EML1: variants seen among roughly 807,000 people sequenced by gnomAD.
EML1 encodes the protein echinoderm microtubule-associated protein-like 1.
In EML1, 27 loss-of-function variants were observed where a neutral mutation model predicts 110.4. The ratio of observed to expected loss-of-function variants is 0.24; its 90% CI spans 0.18 to 0.34. The LOEUF is 0.34. Among genes scored for constraint, EML1 ranks in the 10% least tolerant of loss-of-function variants. EML1 has a pLI of 1.00. For synonymous variants in EML1, 344 were observed against 385.8 expected (o/e 0.89, Z 1.27); for missense variants, 741 against 1,030.9 (o/e 0.72, Z 3.85).
chr14:99,833,366 G>A (rs894181674), intron 1 of EML1, among the ~76,000 whole-genome samples: 1 of 152,140 alleles, frequency 6.6e-6, no homozygotes, highest in African/African-American at 2.4e-5. Context: ...CTGTTGATCT[G>A]TTTACACCAT....
chr14:99,875,090 T>C, intron 3 of EML1: 1 of 1,049,052 alleles, frequency 9.5e-7, no homozygotes, highest in Non-Finnish European at 1.4e-6. Flanking sequence ...GTGCCTACCA[T>C]TCATCAAGTC....
chr14:99,842,327 G>A (rs2139807547), intron 1 of EML1, among the ~76,000 whole-genome samples: 1 of 152,362 alleles, frequency 6.6e-6, no homozygotes, highest in Middle Eastern at 3.4e-3. Context: ...CTTAATTGAA[G>A]TGTAAAGTCA....
chr14:99,919,554 C>T (rs1356450925), intron 16 of EML1, among the ~76,000 whole-genome samples: 3 of 152,048 alleles, frequency 2.0e-5, no homozygotes, highest in African/African-American at 4.8e-5. Flanking sequence ...AATAGGCTGA[C>T]GGATGCCAGC....
upstream of EML1, chr14:99,792,771 C>G (rs1419263899): frequency 6.6e-6 from 1 of 152,278 alleles, no homozygotes; most frequent in African/African-American, 2.4e-5. Context: ...AGCGAAGGTT[C>G]GAGCTGACTT....
chr14:99,789,301 T>A (rs1595281540), upstream of EML1, among the ~76,000 whole-genome samples: 1 of 152,290 alleles, frequency 6.6e-6, no homozygotes, highest in South Asian at 2.1e-4. Context: ...CTCCACCTCC[T>A]GGGTTCAAGT....
chr14:99,924,732 C>A (rs1355282252), intron 17 of EML1, among the ~76,000 whole-genome samples: 2 of 151,932 alleles, frequency 1.3e-5, no homozygotes, highest in Admixed American at 6.6e-5. Context: ...ATAAAGATGC[C>A]CTTTATCATA....
intron 4 of EML1, among the ~76,000 whole-genome samples, chr14:99,879,567 CTT>C (rs1252766785): frequency 6.6e-6 from 1 of 152,128 alleles, no homozygotes; most frequent in African/African-American, 2.4e-5. Context: ...AGCTTAAACT[CTT>C]TTTCAGTTTT....
chr14:99,832,937 G>T (rs766908660), intron 1 of EML1, among the ~76,000 whole-genome samples: 1 of 151,916 alleles, frequency 6.6e-6, no homozygotes, highest in African/African-American at 2.4e-5. Context: ...TACATGTGTC[G>T]GTTCTTACAT....
At position 99,888,183 on chromosome 14, in the gene EML1, C is replaced by A. The variant is rs1264974156; in HGVS notation, c.519-3016C>A. ...CACCTGATACCTCCTCTCTCAATGA[C>A]CTTAGTTGTTAACATTCCTGCTACC... is the stretch of plus-strand genomic sequence containing the variant. On this transcript the variant is annotated intron_variant, in intron 4 of 21. Coordinates refer to ENST00000262233, the MANE Select transcript of EML1 (RefSeq NM_004434.3). 1.3e-4 allele frequency among the ~76,000 whole-genome samples: 20 copies of A among 152,202 alleles called. 1 individual carries two copies. The highest frequency in any genetic ancestry group is 1.3e-3 in the Admixed American group (20 of 15,288).
chr14:99,800,733 A>T (rs1417591324), intron 1 of EML1, among the ~76,000 whole-genome samples: 1 of 152,228 alleles, frequency 6.6e-6, no homozygotes, highest in East Asian at 1.9e-4. Context: ...ACTGGCAAAT[A>T]CTGTTGGCGG....
chr14:99,926,843 AAGCAATCCTCCCACCTCAGCCTCCCGAGT>A (rs1412890514), intron 17 of EML1, among the ~76,000 whole-genome samples: 1 of 151,866 alleles, frequency 6.6e-6, no homozygotes, highest in African/African-American at 2.4e-5. Flanking sequence ...CCTCAAGCTC[AAGCAATCCTCCCACCTCAGCCTCCCGAGT>A]AGCTGGGACT....
chr14:99,882,902 A>G (rs537190982), intron 4 of EML1, among the ~76,000 whole-genome samples: 3 of 151,714 alleles, frequency 2.0e-5, no homozygotes, highest in African/African-American at 7.3e-5. Context: ...TGCCCCCTCA[A>G]CCCCGGGATC....
In EML1 at chr14:99,936,199, A is replaced by G. The variant is rs749545949; in HGVS notation, c.2008-48A>G. The G allele has an allele frequency of 3.7e-6, 6 of 1,612,542 alleles. No individual in the cohort carries two copies. Among genetic ancestry groups the G allele is most frequent in the Middle Eastern group, 1.6e-4 (1 of 6,082 alleles). ...TTAACTACCGTGGAACAGTGTTGGC[A>G]GGGACTTCTAAGGCCAATGAAATGA... On this transcript the variant is annotated intron_variant, in intron 18 of 21. Transcript: ENST00000262233. This position sits in a 1 kb window ranked among gnomAD's most constrained non-coding sequence, Gnocchi z 5.5.
intron 14 of EML1, 112 bp downstream of exon 14, chr14:99,914,416 G>C: frequency 6.5e-7 from 1 of 1,539,838 alleles, no homozygotes; most frequent in Non-Finnish European, 8.8e-7. Flanking sequence ...CTCCACCCCA[G>C]AGTGTCTGTG....
chr14:99,751,743 T>G (rs2057177914), intron 1 of EML1, among the ~76,000 whole-genome samples: 1 of 152,052 alleles, frequency 6.6e-6, no homozygotes, highest in South Asian at 2.1e-4. Context: ...GTGTCTGGTC[T>G]TTTCAAGGAA....
chr14:99,871,192 C>T (rs2139905994), intron 3 of EML1, among the ~76,000 whole-genome samples: 1 of 152,300 alleles, frequency 6.6e-6, no homozygotes, highest in African/African-American at 2.4e-5. Context: ...CTCTTGACCT[C>T]ATGATCTGCC....
At chr14:99,802,964 T>C (rs1260719809) in intron 1 of EML1, among the ~76,000 whole-genome samples, 1 of 152,134 alleles carries the variant, frequency 6.6e-6, no homozygotes, top group Non-Finnish European at 1.5e-5. Context: ...TCTTCATCCC[T>C]GAGTGCCCCC....
chr14:99,774,447 G>C (rs2057460145), intron 1 of EML1, among the ~76,000 whole-genome samples: 1 of 152,128 alleles, frequency 6.6e-6, no homozygotes, highest in Non-Finnish European at 1.5e-5. Flanking sequence ...TTGTAATGTT[G>C]CCCTATCCTC....
intron 1 of EML1, among the ~76,000 whole-genome samples, chr14:99,843,309 C>A (rs1420338975): frequency 6.6e-6 from 1 of 152,132 alleles, no homozygotes; most frequent in Non-Finnish European, 1.5e-5. Flanking sequence ...ATTTAAAAAG[C>A]AAATATTATT....
Sources: allele counts gnomAD v4.1 joint callset (sites outside exome capture counted in the v4.1 genomes callset), GRCh38; gene constraint gnomAD v4.1.1; non-coding constraint Gnocchi (gnomAD v3.1); transcripts MANE v1.5; gene names NCBI Gene and HGNC (gene_info 2026-07-23, HGNC 2026-07-21).